The following CHD9 variants were observed in gnomAD, a reference collection of about 807,000 sequenced individuals.
CHD9 encodes chromodomain helicase DNA binding protein 9.
Under a neutral mutation model 316.1 loss-of-function variants are expected in CHD9, and 77 were observed. That is an observed-to-expected ratio of 0.24 (90% confidence interval 0.20 to 0.29). The LOEUF is 0.29. CHD9 is among the 10% of genes least tolerant of loss of function. CHD9 has a pLI of 1.00. For synonymous variants in CHD9, 1,129 were observed against 1,158.3 expected (o/e 0.97, Z 0.51); for missense variants, 2,763 against 3,438.1 (o/e 0.80, Z 4.91).
At chr16:53,204,268 A>C (rs2045718620) in intron 2 of CHD9, among the ~76,000 whole-genome samples, 1 of 151,816 alleles carries the variant, frequency 6.6e-6, no homozygotes. Flanking sequence ...ATATCCACAC[A>C]CTAGTGATCC....
intron 1 of CHD9, among the ~76,000 whole-genome samples, chr16:53,076,575 CA>C (rs1293667504): frequency 6.9e-6 from 1 of 144,598 alleles, no homozygotes; most frequent in Non-Finnish European, 1.5e-5. Context: ...AACTCCATGT[CA>C]AAAAAAAAGA....
chr16:53,104,718 A>G (rs1427782931), intron 1 of CHD9, among the ~76,000 whole-genome samples: 1 of 151,738 alleles, frequency 6.6e-6, no homozygotes, highest in Non-Finnish European at 1.5e-5. Flanking sequence ...AGGCTGAGGC[A>G]GGAGAATTGC....
chr16:53,244,550 A>T (rs901333153), intron 13 of CHD9, among the ~76,000 whole-genome samples: 1 of 152,158 alleles, frequency 6.6e-6, no homozygotes, highest in Non-Finnish European at 1.5e-5. Context: ...TGATTTGATA[A>T]TTCATTCATG....
At chr16:53,285,568 A>G in intron 24 of CHD9, 28 bp from the exon 25 acceptor site, 1 of 1,435,266 alleles carries the variant, frequency 7.0e-7, no homozygotes, top group Non-Finnish European at 9.6e-7. Context: ...ATAATAATTC[A>G]TAATGCCATA....
intron 2 of CHD9, among the ~76,000 whole-genome samples, chr16:53,197,133 C>G (rs971470808): frequency 6.6e-6 from 1 of 152,138 alleles, no homozygotes; most frequent in Non-Finnish European, 1.5e-5. Context: ...CTGAGATATA[C>G]TGGCAGACTA....
chr16:53,156,826 GTCA>G lies in CHD9; in HGVS notation c.741_743del (p.His247del). 1 of 1,613,814 alleles carries G rather than the reference GTCA, an allele frequency of 6.2e-7. No homozygotes were observed. Among genetic ancestry groups the G allele is most frequent in the South Asian group, 1.1e-5 (1 of 91,074 alleles). ...TCAGCACACTTCCACAAGTGTAGCA[GTCA>G]TCAAGAAGGAAATTTTAATGGACCT... On this transcript the variant is annotated inframe_deletion, in exon 2 of 39. Transcript: ENST00000447540.
intron 19 of CHD9, among the ~76,000 whole-genome samples, chr16:53,262,542 G>A (rs1216468837): frequency 1.3e-5 from 2 of 152,000 alleles, no homozygotes; most frequent in Non-Finnish European, 2.9e-5. Context: ...CATATCCTGT[G>A]TTATATTTCC....
intron 36 of CHD9, 86 bp from the exon 37 acceptor site, chr16:53,318,126 A>G (rs2057017082): frequency 9.3e-7 from 1 of 1,076,434 alleles, no homozygotes; most frequent in Non-Finnish European, 1.3e-6. Flanking sequence ...ATGCTATTAA[A>G]TTACTTGGAT....
At chr16:53,102,992 C>CCCG (rs1405327326) in intron 1 of CHD9, among the ~76,000 whole-genome samples, 5 of 151,642 alleles carry the variant, frequency 3.3e-5, no homozygotes, top group Non-Finnish European at 5.9e-5. Context: ...ACTACAGGCA[C>CCCG]CCGCCACCAC....
chr16:53,231,629 G>GA lies in CHD9; in HGVS notation c.2374-12dup. ...TAGTGTCTTTTTCAAAATGGTAAAT[G>GA]AAAAAATTTTTTTACAGCCTGTTAT... is the stretch of plus-strand genomic sequence containing the variant. On this transcript the variant is annotated splice_polypyrimidine_tract_variant and intron_variant, in intron 9 of 38. Coordinates refer to ENST00000447540, the MANE Select transcript of CHD9 (RefSeq NM_001308319.2). The GA allele has an allele frequency of 6.5e-7, 1 of 1,544,804 alleles. No individual in the cohort carries two copies. The highest frequency in any genetic ancestry group is 8.8e-7 in the Non-Finnish European group (1 of 1,140,344).
In CHD9 at chr16:53,255,795, A is replaced by G. The variant is rs146191369; in HGVS notation, c.4209+16A>G. The G allele has an allele frequency of 1.4e-5, 23 of 1,609,828 alleles. No homozygotes were observed. In the Admixed American group the frequency reaches 1.5e-4, roughly 11 times the overall value. On this transcript the variant is annotated intron_variant, in intron 19 of 38. Transcript: ENST00000447540. ...ATTTGCCAAGGTAATAGTGGGTGCAATTTTATTAACATAGCAGTGATGTTC... is the reference window on the plus strand; with the variant it reads ...ATTTGCCAAGGTAATAGTGGGTGCAGTTTTATTAACATAGCAGTGATGTTC...
At chr16:53,224,570 A>G (rs972217791) in intron 4 of CHD9, among the ~76,000 whole-genome samples, 1 of 152,124 alleles carries the variant, frequency 6.6e-6, no homozygotes, top group Admixed American at 6.5e-5. Context: ...CTCATTTACT[A>G]TTTACTAAAA....
intron 1 of CHD9, among the ~76,000 whole-genome samples, chr16:53,134,552 C>T (rs1597099130): frequency 6.6e-6 from 1 of 152,256 alleles, no homozygotes; most frequent in East Asian, 1.9e-4. Context: ...CGTATCTTGT[C>T]CTTGTAGCCC....
intron 24 of CHD9, among the ~76,000 whole-genome samples, chr16:53,281,288 C>T (rs555657176): frequency 6.6e-6 from 1 of 152,238 alleles, no homozygotes; most frequent in East Asian, 1.9e-4. Context: ...CTTTTCCTTC[C>T]CATGTACAAG....
chr16:53,254,763 C>T, intron 18 of CHD9, 158 bp downstream of exon 18: 2 of 475,038 alleles, frequency 4.2e-6, no homozygotes. Context: ...TTAGTTAATA[C>T]TTTTGAATCC....
chr16:53,059,009 T>C (rs1447204740), intron 1 of CHD9, among the ~76,000 whole-genome samples: 1 of 152,178 alleles, frequency 6.6e-6, no homozygotes, highest in Non-Finnish European at 1.5e-5. Flanking sequence ...CACACCATCA[T>C]GCCCAGCTAA....
intron 2 of CHD9, among the ~76,000 whole-genome samples, chr16:53,182,550 G>C (rs984408287): frequency 4.6e-5 from 7 of 152,052 alleles, no homozygotes; most frequent in Non-Finnish European, 1.0e-4. Flanking sequence ...CTCTTGATCT[G>C]GGTCATTTGA....
At chr16:53,088,300 T>C (rs1184761842) in intron 1 of CHD9, among the ~76,000 whole-genome samples, 1 of 117,398 alleles carries the variant, frequency 8.5e-6, no homozygotes, top group Non-Finnish European at 1.8e-5. Flanking sequence ...TTTTTTGAGA[T>C]GGAGTCTCGT....
chr16:53,124,467 A>ATTT lies in CHD9; in HGVS notation c.-164-31434_-164-31432dup, dbSNP rs753476091. On this transcript the variant is annotated intron_variant, in intron 1 of 38. Transcript: ENST00000447540. ...AAACCATCAGATCTGGTGAGACTTAATTTTTTTTTTTTTTTTTTTTTTTTT... is the reference window on the plus strand; with the variant it reads ...AAACCATCAGATCTGGTGAGACTTAATTTTTTTTTTTTTTTTTTTTTTTTTTTT... 1.0e-3 allele frequency among the ~76,000 whole-genome samples: 100 copies of ATTT among 96,946 alleles called. 3 individuals are homozygous for ATTT. Among genetic ancestry groups the ATTT allele is most frequent in the Middle Eastern group, 6.8e-3 (1 of 148 alleles). The allele number at this position is 96,946 out of a possible 152,430, so 63.6% of individuals were successfully genotyped here. A position where few individuals can be genotyped will look rare whatever the true frequency, so the allele number is the denominator to read the frequency against.
Sources: gnomAD v4.1 joint callset for allele counts (sites outside exome capture counted in the v4.1 genomes callset) on GRCh38, gnomAD v4.1.1 for gene constraint, MANE v1.5 for transcripts, NCBI Gene and HGNC (gene_info 2026-07-23, HGNC 2026-07-21) for gene names.